RFX3: variants seen among roughly 807,000 people sequenced by gnomAD.
RFX3 encodes regulatory factor X3.
In RFX3, 14 loss-of-function variants were observed where a neutral mutation model predicts 98.6. The observed-to-expected ratio is 0.14, with a 90% CI of 0.09 to 0.22. The LOEUF is 0.22. Among genes scored for constraint, RFX3 ranks in the 10% least tolerant of loss-of-function variants. The pLI, the probability that RFX3 is intolerant of heterozygous loss-of-function variation, is 1.00. For synonymous variants in RFX3, 383 were observed against 328.4 expected (o/e 1.17, Z -1.80); for missense variants, 639 against 926.9 (o/e 0.69, Z 4.03).
intron 7 of RFX3, among the ~76,000 whole-genome samples, chr9:3,285,818 A>G (rs1408233971): frequency 2.0e-5 from 3 of 151,784 alleles, no homozygotes; most frequent in Admixed American, 1.3e-4. Flanking sequence ...AAATGTCTCC[A>G]TATTTTATCT....
intron 3 of RFX3, among the ~76,000 whole-genome samples, chr9:3,341,574 G>C (rs1015034346): frequency 6.6e-6 from 1 of 152,206 alleles, no homozygotes; most frequent in South Asian, 2.1e-4. Flanking sequence ...GGTACTTAAA[G>C]CCACCAAGTA....
At chr9:3,320,333 A>G (rs886886443) in intron 4 of RFX3, among the ~76,000 whole-genome samples, 38 of 152,090 alleles carry the variant, frequency 2.5e-4, no homozygotes, top group African/African-American at 8.4e-4. Context: ...CAGGCGGATC[A>G]CTTGAGGCCA....
intron 1 of RFX3, among the ~76,000 whole-genome samples, chr9:3,448,585 G>A (rs895897977): frequency 6.6e-6 from 1 of 151,984 alleles, no homozygotes; most frequent in Non-Finnish European, 1.5e-5. Flanking sequence ...CCATCATAGC[G>A]TGAATTGCAG....
chr9:3,493,244 C>T (rs1850850104), intron 1 of RFX3, among the ~76,000 whole-genome samples: 2 of 151,970 alleles, frequency 1.3e-5, no homozygotes, highest in South Asian at 4.1e-4. Context: ...AATTAAAAGC[C>T]CAAGTTCTGT....
chr9:3,390,613 C>A (rs1840209170), intron 2 of RFX3, among the ~76,000 whole-genome samples: 2 of 152,078 alleles, frequency 1.3e-5, no homozygotes, highest in African/African-American at 4.8e-5. Context: ...TGGGAGGCAA[C>A]TGACTCATGA....
chr9:3,505,471 T>C (rs1370118439), intron 1 of RFX3, among the ~76,000 whole-genome samples: 4 of 143,478 alleles, frequency 2.8e-5, no homozygotes, highest in Admixed American at 2.1e-4. Flanking sequence ...ATAAAATATT[T>C]TATATTTATA....
At chr9:3,363,241 A>G (rs1290723145) in intron 2 of RFX3, among the ~76,000 whole-genome samples, 1 of 152,238 alleles carries the variant, frequency 6.6e-6, no homozygotes, top group Non-Finnish European at 1.5e-5. Context: ...AGGCTCCTCT[A>G]GTCTTTCTAA....
chr9:3,326,456 A>G (rs997178721), intron 4 of RFX3, among the ~76,000 whole-genome samples: 1 of 152,038 alleles, frequency 6.6e-6, no homozygotes, highest in Non-Finnish European at 1.5e-5. Context: ...CCTATTATTC[A>G]TTATTTTTCC....
intron 5 of RFX3, among the ~76,000 whole-genome samples, chr9:3,296,344 T>A (rs1053946968): frequency 6.6e-6 from 1 of 151,932 alleles, no homozygotes; most frequent in Admixed American, 6.6e-5. Context: ...ATTACTTATA[T>A]CCCAATTGAA....
At chr9:3,463,425 T>A (rs941748824) in intron 1 of RFX3, among the ~76,000 whole-genome samples, 3 of 151,994 alleles carry the variant, frequency 2.0e-5, no homozygotes, top group Non-Finnish European at 4.4e-5. Flanking sequence ...TACAAGGCAA[T>A]CTAAATGATA....
chr9:3,270,130 A>AGAAAGAAAGAAAGGAAG (rs1563833724), intron 11 of RFX3, among the ~76,000 whole-genome samples: 1 of 107,176 alleles, frequency 9.3e-6, no homozygotes, highest in Non-Finnish European at 2.2e-5. Flanking sequence ...AAGAAAGGAA[A>AGAAAGAAAGAAAGGAAG]GAAAGAAAGA....
intron 16 of RFX3, among the ~76,000 whole-genome samples, chr9:3,228,568 A>C (rs1818069653): frequency 6.6e-6 from 1 of 152,208 alleles, no homozygotes; most frequent in Non-Finnish European, 1.5e-5. Flanking sequence ...GGTCAGAAAT[A>C]ATTTCTTGTT....
chr9:3,430,878 G>A (rs1314938802), intron 1 of RFX3, among the ~76,000 whole-genome samples: 6 of 151,952 alleles, frequency 3.9e-5, no homozygotes, highest in African/African-American at 1.5e-4. Flanking sequence ...TAAAATATAT[G>A]TAGGTACTAG....
intron 1 of RFX3, among the ~76,000 whole-genome samples, chr9:3,493,698 A>AT (rs1212279203): frequency 2.8e-3 from 315 of 111,060 alleles, no homozygotes; most frequent in African/African-American, 0.011. Context: ...AAAAAAAAAA[A>AT]AAATATATAT....
intron 2 of RFX3, among the ~76,000 whole-genome samples, chr9:3,388,701 ACT>A (rs1239382759): frequency 1.3e-5 from 2 of 151,980 alleles, no homozygotes; most frequent in African/African-American, 2.4e-5. Flanking sequence ...CCAGAAACAA[ACT>A]CTCTGAGTCC....
Position 3,379,134 on chromosome 9 carries a change from G to A in RFX3, c.117+16338C>T, listed in dbSNP as rs186081580. On this transcript the variant is annotated intron_variant, in intron 2 of 16. Coordinates refer to ENST00000617270, the MANE Select transcript of RFX3 (RefSeq NM_001282116.2). ...CATGCAAGGTTGGACTACAGTGGGA[G>A]CAAAGGGAGACATGGTCCCTGGATC... 2.8e-3 allele frequency among the ~76,000 whole-genome samples: 432 copies of A among 152,278 alleles called. 1 individual carries two copies. The highest frequency in any genetic ancestry group is 5.1e-3 in the Non-Finnish European group (348 of 68,022).
chr9:3,302,490 A>G (rs1052609230), intron 4 of RFX3, among the ~76,000 whole-genome samples: 6 of 151,850 alleles, frequency 4.0e-5, no homozygotes, highest in Admixed American at 1.3e-4. Context: ...AACACCATGT[A>G]TTTGGATACT....
intron 1 of RFX3, among the ~76,000 whole-genome samples, chr9:3,492,513 C>A (rs1311112359): frequency 6.6e-6 from 1 of 152,212 alleles, no homozygotes; most frequent in African/African-American, 2.4e-5. Flanking sequence ...TTCCCAGGAC[C>A]CCAAATTCCC....
intron 4 of RFX3, among the ~76,000 whole-genome samples, chr9:3,322,389 T>C (rs754163895): frequency 6.6e-5 from 10 of 152,188 alleles, no homozygotes; most frequent in East Asian, 1.9e-4. Flanking sequence ...GAGATCTTTG[T>C]TTCCATTATA....
Sources: allele counts gnomAD v4.1 joint callset (sites outside exome capture counted in the v4.1 genomes callset), GRCh38; gene constraint gnomAD v4.1.1; transcripts MANE v1.5; gene names NCBI Gene and HGNC (gene_info 2026-07-23, HGNC 2026-07-21).